The following CCDC40 variants were observed in gnomAD, a reference collection of about 807,000 sequenced individuals.
CCDC40 encodes coiled-coil domain-containing protein 40.
CCDC40 carries 104 observed loss-of-function variants against 124.5 expected under a neutral mutation model. That is an observed-to-expected ratio of 0.84 (90% CI 0.71 to 0.98). CCDC40 has a LOEUF of 0.98. CCDC40 is among the 50% of genes least tolerant of loss of function. The pLI is 0.00. For synonymous variants in CCDC40, 580 were observed against 602.9 expected (o/e 0.96, Z 0.56); for missense variants, 1,463 against 1,503.9 (o/e 0.97, Z 0.45).
intron 5 of CCDC40, 143 bp downstream of exon 5, chr17:80,048,904 C>T: frequency 2.5e-6 from 2 of 794,022 alleles, no homozygotes; most frequent in Non-Finnish European, 4.3e-6. Context: ...TTTATTGGCA[C>T]TGATTGACCT....
intron 7 of CCDC40, among the ~76,000 whole-genome samples, chr17:80,054,153 C>G (rs1183378712): frequency 6.6e-6 from 1 of 150,994 alleles, no homozygotes; most frequent in Non-Finnish European, 1.5e-5. Context: ...GATAAATAAA[C>G]TGCTTTTTTT....
intron 17 of CCDC40, among the ~76,000 whole-genome samples, chr17:80,093,180 C>T (rs904158007): frequency 8.5e-5 from 13 of 152,138 alleles, no homozygotes; most frequent in Non-Finnish European, 1.6e-4. Flanking sequence ...GAAATTCCTC[C>T]GACTTCCTTT....
chr17:80,076,013 C>T (rs538616131), intron 10 of CCDC40, among the ~76,000 whole-genome samples: 22 of 152,224 alleles, frequency 1.4e-4, no homozygotes, highest in African/African-American at 4.1e-4. Flanking sequence ...TTGCTTCTTA[C>T]GGATGAGCGT....
chr17:80,056,002 A>ATTTTTTTTTTT (rs1397122647), intron 7 of CCDC40, among the ~76,000 whole-genome samples: 2 of 7,862 alleles, frequency 2.5e-4, no homozygotes, highest in African/African-American at 3.6e-4. Context: ...ATATATATAT[A>ATTTTTTTTTTT]TATATATATA....
chr17:80,037,690 G>GATTATATATATATATAT lies in CCDC40; in HGVS notation c.30-431_30-430insTATATATATATATATAT, dbSNP rs1555889146. Among the ~76,000 whole-genome samples, 38 of 92,086 alleles carry GATTATATATATATATAT rather than the reference G, an allele frequency of 4.1e-4. 1 individual carries two copies. The highest frequency in any genetic ancestry group is 6.5e-4 in the Non-Finnish European group (30 of 45,968). 60.4% of individuals were successfully genotyped at this position (92,086 alleles called of 152,430 possible). ...CTTGAATCTTTAATTTTTTAAAAAA[G>GATTATATATATATATAT]ATATACATATATATATATATATATA... On this transcript the variant is annotated intron_variant, in intron 1 of 19. Coordinates refer to ENST00000397545, the MANE Select transcript of CCDC40 (RefSeq NM_017950.4).
chr17:80,087,606 G>A lies in CCDC40; in HGVS notation c.2450-1G>A, dbSNP rs774081599. 1.9e-6 allele frequency: 3 copies of A among 1,614,052 alleles called. No homozygotes were observed. Among genetic ancestry groups the A allele is most frequent in the Non-Finnish European group, 1.7e-6 (2 of 1,179,920 alleles). ...CCCTGAGTCTCTGTTTTCTGCCATAGGCAAGATTGAGCAGGAGAAGAAGGA... is the reference window on the plus strand; with the variant it reads ...CCCTGAGTCTCTGTTTTCTGCCATAAGCAAGATTGAGCAGGAGAAGAAGGA... On this transcript the variant is annotated splice_acceptor_variant, in intron 14 of 19. Transcript: ENST00000397545. LOFTEE classifies it high-confidence loss of function. This position sits in a 1 kb window ranked among gnomAD's most constrained non-coding sequence, Gnocchi z 4.5.
rs771675638 is a variant in CCDC40 at position 80,099,644 on chromosome 17, C to T, written c.3298C>T (p.Leu1100=). The T allele has an allele frequency of 2.3e-5, 37 of 1,613,792 alleles. 2 individuals carry two copies. In the South Asian group the frequency reaches 4.0e-4, roughly 17 times the overall value. Reference sequence around the variant, plus strand: ...GTCCCTAGTGCTGGAGCGCCAGCGCCTGGACAAGCGACTGGCTCTCATCGC... The same window carrying T: ...GTCCCTAGTGCTGGAGCGCCAGCGCTTGGACAAGCGACTGGCTCTCATCGC... ...KQSLVLERQR[L]DKRLALIATI... Residue 1100 remains leucine, a synonymous_variant, in exon 20 of 20, where the codon CTG becomes TTG. Transcript: ENST00000397545.
chr17:80,063,134 G>T (rs2037947036), intron 9 of CCDC40, among the ~76,000 whole-genome samples: 1 of 152,046 alleles, frequency 6.6e-6, no homozygotes, highest in Admixed American at 6.6e-5. Context: ...GGCGGAAATT[G>T]CAGTGAGCCA....
At chr17:80,091,786 C>G (rs1403876319) in intron 17 of CCDC40, among the ~76,000 whole-genome samples, 1 of 151,328 alleles carries the variant, frequency 6.6e-6, no homozygotes, top group South Asian at 2.1e-4. Flanking sequence ...TTTTTTTCTT[C>G]TAGACTATGT....
At chr17:80,067,817 C>G in intron 10 of CCDC40, 1 of 1,440,812 alleles carries the variant, frequency 6.9e-7, no homozygotes, top group South Asian at 1.5e-5. Context: ...CCTGACAGCT[C>G]AGCATGTTGT....
At position 80,068,120 on chromosome 17, in the gene CCDC40, G is replaced by A. The variant is rs558348051; in HGVS notation, c.1562+2514G>A. 2.4e-4 allele frequency: 85 copies of A among 350,994 alleles called. 1 individual carries two copies. Among genetic ancestry groups the A allele is most frequent in the Middle Eastern group, 1.4e-3 (1 of 690 alleles). 21.7% of individuals were successfully genotyped at this position (350,994 alleles called of 1,614,324 possible). A position where few individuals can be genotyped will look rare whatever the true frequency, so the allele number is the denominator to read the frequency against. On this transcript the variant is annotated intron_variant, in intron 10 of 19. Transcript: ENST00000397545. The stretch of plus-strand genomic sequence containing the variant: ...ACCATCTCTGCTCACTGCGACCTCC[G>A]CCTCCTGGGTTCAAGCGATTCTCCT...
chr17:80,037,689 AGATAT>A (rs1352266034), intron 1 of CCDC40, among the ~76,000 whole-genome samples: 3 of 95,150 alleles, frequency 3.2e-5, no homozygotes, highest in African/African-American at 5.8e-5. Context: ...TTTTTAAAAA[AGATAT>A]ACATATATAT....
intron 10 of CCDC40, among the ~76,000 whole-genome samples, chr17:80,078,141 C>T (rs1322765740): frequency 1.3e-5 from 2 of 152,062 alleles, no homozygotes; most frequent in African/African-American, 4.8e-5. Flanking sequence ...ACCATCCTGG[C>T]TAACACGGTG....
intron 17 of CCDC40, among the ~76,000 whole-genome samples, chr17:80,091,076 C>T (rs1260098430): frequency 6.6e-6 from 1 of 152,184 alleles, no homozygotes; most frequent in East Asian, 1.9e-4. Flanking sequence ...AGGCCTCTCA[C>T]CTTCTCGGAT....
intron 12 of CCDC40, among the ~76,000 whole-genome samples, chr17:80,084,512 G>A (rs558788187): frequency 2.0e-4 from 31 of 152,272 alleles, no homozygotes; most frequent in African/African-American, 7.5e-4. Flanking sequence ...AATAAGAAAA[G>A]CTAATACCAT....
intron 1 of CCDC40, among the ~76,000 whole-genome samples, chr17:80,037,688 A>AAAAATATATATATATATATAT: frequency 8.8e-5 from 4 of 45,676 alleles, no homozygotes; most frequent in African/African-American, 2.4e-4. Flanking sequence ...TTTTTTAAAA[A>AAAAATATATATATATATATAT]AGATATACAT....
At position 80,040,885 on chromosome 17, in the gene CCDC40, A is replaced by G. The variant is rs538148128; in HGVS notation, c.552+615A>G. ...TACGGTCCATCAGTCACATGTGGCT[A>G]CAGAGAGCTCTCCAAATGTGACTAG... On this transcript the variant is annotated intron_variant, in intron 3 of 19. Transcript: ENST00000397545. Among the ~76,000 whole-genome samples, 5 of 152,266 alleles carry G rather than the reference A, an allele frequency of 3.3e-5. No homozygotes were observed. The South Asian group carries it at 1.0e-3, about 32-fold the overall frequency.
rs1021597475 is a variant in CCDC40 at position 80,100,268 on chromosome 17, C to T, written c.*493C>T. ...AAACCACCTTCTTTACCAGTTTTCC[C>T]ATCCCCACCCCTTAGAACTCTCAGG... On this transcript the variant is annotated 3_prime_UTR_variant, in exon 20 of 20. Transcript: ENST00000397545. The T allele has an allele frequency of 5.2e-6, 1 of 192,790 alleles. No individual in the cohort carries two copies. The highest frequency in any genetic ancestry group is 1.1e-5 in the Non-Finnish European group (1 of 90,610). The allele number at this position is 192,790 out of a possible 1,614,324, so 11.9% of individuals were successfully genotyped here.
At chr17:80,093,122 C>T (rs1342326356) in intron 17 of CCDC40, among the ~76,000 whole-genome samples, 1 of 152,174 alleles carries the variant, frequency 6.6e-6, no homozygotes, top group East Asian at 1.9e-4. Context: ...CTGTTTCTGT[C>T]CCTTCACCAA....
Sources: gnomAD v4.1 joint callset for allele counts (sites outside exome capture counted in the v4.1 genomes callset) on GRCh38, gnomAD v4.1.1 for gene constraint, Gnocchi (gnomAD v3.1) non-coding constraint, MANE v1.5 for transcripts, NCBI Gene and HGNC (gene_info 2026-07-23, HGNC 2026-07-21) for gene names.